The following TEX2 variants were observed in gnomAD, a reference collection of about 807,000 sequenced individuals.
The protein encoded by TEX2 is testis-expressed protein 2.
TEX2 carries 53 observed loss-of-function variants against 106.9 expected under a neutral mutation model. The observed-to-expected ratio is 0.50, with a 90% CI of 0.40 to 0.62. TEX2 has a LOEUF of 0.62. TEX2 is among the 20% of genes least tolerant of loss of function. The pLI, the probability that TEX2 is intolerant of heterozygous loss-of-function variation, is 0.00. For missense variants in TEX2, 1,207 were observed against 1,379.0 expected, an observed-to-expected ratio of 0.88 and a Z score of 1.98; for synonymous variants, 523 against 534.8, an observed-to-expected ratio of 0.98 and a Z score of 0.30.
intron 2 of TEX2, among the ~76,000 whole-genome samples, chr17:64,196,391 A>C (rs937444878): frequency 1.3e-5 from 2 of 152,214 alleles, no homozygotes; most frequent in Non-Finnish European, 2.9e-5. Context: ...GGACAAACAT[A>C]TCTCTTTGTC....
At chr17:64,226,861 A>G (rs1555633937) in intron 1 of TEX2, among the ~76,000 whole-genome samples, 1 of 152,120 alleles carries the variant, frequency 6.6e-6, no homozygotes, top group Non-Finnish European at 1.5e-5. Flanking sequence ...AGTATAAAAA[A>G]TAATAAAATA....
intron 10 of TEX2, among the ~76,000 whole-genome samples, chr17:64,152,589 C>A (rs2030409959): frequency 6.6e-6 from 1 of 152,136 alleles, no homozygotes; most frequent in Non-Finnish European, 1.5e-5. Context: ...CAATTACAAC[C>A]AGGGCCAGGC....
chr17:64,223,032 AGGGCTTCTC>A (rs1555633457), intron 1 of TEX2, among the ~76,000 whole-genome samples: 7 of 152,232 alleles, frequency 4.6e-5, no homozygotes, highest in Non-Finnish European at 1.0e-4. Context: ...GCCTCTAATA[AGGGCTTCTC>A]TCTCCAGAAT....
Position 64,217,542 on chromosome 17 carries a change from T to C in TEX2, c.-25-3300A>G, listed in dbSNP as rs1366721990. 1.3e-5 allele frequency among the ~76,000 whole-genome samples: 2 copies of C among 152,230 alleles called. No homozygotes were observed. The highest frequency in any genetic ancestry group is 2.9e-5 in the Non-Finnish European group (2 of 68,040). ...TGTGCTCCGTCATGGACAGCTCACTTACAAGCTAAGACCTCAGTTCTCAAC... is the reference window on the plus strand; with the variant it reads ...TGTGCTCCGTCATGGACAGCTCACTCACAAGCTAAGACCTCAGTTCTCAAC... On this transcript the variant is annotated intron_variant, in intron 1 of 11. Transcript: ENST00000584379. This position sits in a 1 kb window ranked among gnomAD's most constrained non-coding sequence, Gnocchi z 4.3.
chr17:64,245,663 C>T (rs1334324141), intron 1 of TEX2, among the ~76,000 whole-genome samples: 3 of 152,138 alleles, frequency 2.0e-5, no homozygotes, highest in Admixed American at 6.6e-5. Flanking sequence ...CTTTTTAATA[C>T]GATGAACCTT....
chr17:64,166,996 C>T (rs1207588211), intron 7 of TEX2, among the ~76,000 whole-genome samples: 3 of 152,106 alleles, frequency 2.0e-5, no homozygotes, highest in African/African-American at 7.2e-5. Flanking sequence ...CAGCTAGTTC[C>T]AGGGTGTGTG....
intron 7 of TEX2, among the ~76,000 whole-genome samples, chr17:64,167,539 C>T (rs1031831172): frequency 2.0e-5 from 3 of 152,140 alleles, no homozygotes; most frequent in African/African-American, 7.2e-5. Context: ...CCTGTTTGAG[C>T]TGGGCGCAGT....
intron 2 of TEX2, 144 bp downstream of exon 2, chr17:64,212,430 C>T: frequency 1.4e-6 from 1 of 717,278 alleles, no homozygotes; most frequent in Non-Finnish European, 2.4e-6. Flanking sequence ...TGACTGGGTG[C>T]CTGGAGAATG....
chr17:64,206,985 G>A (rs2032855533), intron 2 of TEX2, among the ~76,000 whole-genome samples: 1 of 152,134 alleles, frequency 6.6e-6, no homozygotes, highest in Admixed American at 6.5e-5. Flanking sequence ...CTACTACTTG[G>A]CTGCAAATTG....
chr17:64,226,458 T>G (rs1555633911), intron 1 of TEX2, among the ~76,000 whole-genome samples: 2 of 152,210 alleles, frequency 1.3e-5, no homozygotes, highest in African/African-American at 4.8e-5. Flanking sequence ...GTTTTTAACT[T>G]TCATGCAATG....
At chr17:64,200,568 G>A (rs1052689603) in intron 2 of TEX2, among the ~76,000 whole-genome samples, 2 of 152,180 alleles carry the variant, frequency 1.3e-5, no homozygotes, top group Non-Finnish European at 2.9e-5. Flanking sequence ...TTTGCTGACA[G>A]CTCTGACAGA....
intron 5 of TEX2, 57 bp from the exon 6 acceptor site, chr17:64,177,528 T>C: frequency 6.3e-7 from 1 of 1,576,926 alleles, no homozygotes; most frequent in Non-Finnish European, 8.6e-7. Flanking sequence ...ATAAGACAGG[T>C]GCTTATTTTT....
chr17:64,220,488 A>G (rs367954204), intron 1 of TEX2, among the ~76,000 whole-genome samples: 20 of 152,300 alleles, frequency 1.3e-4, no homozygotes, highest in African/African-American at 4.8e-4. Flanking sequence ...AGAATCTACA[A>G]GGAACCTAAA....
chr17:64,233,970 G>A (rs192196195), intron 1 of TEX2, among the ~76,000 whole-genome samples: 2 of 152,278 alleles, frequency 1.3e-5, no homozygotes, highest in Non-Finnish European at 2.9e-5. Context: ...CAGATCCTAG[G>A]TACAGAGCTG....
chr17:64,156,113 C>T (rs1445675786), intron 8 of TEX2: 4 of 152,276 alleles, frequency 2.6e-5, no homozygotes, highest in Admixed American at 6.5e-5. Context: ...CCTTGGGCCA[C>T]CAGAGGCCCA....
At chr17:64,180,934 C>T (rs1423516699) in intron 5 of TEX2, among the ~76,000 whole-genome samples, 1 of 152,008 alleles carries the variant, frequency 6.6e-6, no homozygotes, top group Non-Finnish European at 1.5e-5. Context: ...CCTTTTTGGC[C>T]GCACCCAGTG....
At chr17:64,160,285 C>T (rs948781957) in intron 8 of TEX2, among the ~76,000 whole-genome samples, 3 of 152,084 alleles carry the variant, frequency 2.0e-5, no homozygotes, top group Non-Finnish European at 4.4e-5. Flanking sequence ...ACACTATCTA[C>T]AAAGAGAGGG....
intron 1 of TEX2, among the ~76,000 whole-genome samples, chr17:64,219,074 C>T (rs2033276236): frequency 6.6e-6 from 1 of 151,918 alleles, no homozygotes; most frequent in South Asian, 2.1e-4. Context: ...AGCACATAAC[C>T]AAAGGTAACC....
At chr17:64,179,640 C>T (rs898008993) in intron 5 of TEX2, among the ~76,000 whole-genome samples, 4 of 152,186 alleles carry the variant, frequency 2.6e-5, no homozygotes, top group African/African-American at 7.2e-5. Context: ...CCTGTGCCCT[C>T]TCTTGCTGGG....
Sources: gnomAD v4.1 joint callset for allele counts (sites outside exome capture counted in the v4.1 genomes callset) on GRCh38, gnomAD v4.1.1 for gene constraint, Gnocchi (gnomAD v3.1) non-coding constraint, MANE v1.5 for transcripts, NCBI Gene and HGNC (gene_info 2026-07-23, HGNC 2026-07-21) for gene names.